TMC6: variants seen among roughly 807,000 people sequenced by gnomAD.
TMC6 encodes the protein transmembrane channel-like protein 6.
A neutral mutation model predicts 95.4 loss-of-function variants in TMC6; 71 were observed. The ratio of observed to expected loss-of-function variants is 0.74; its 90% CI spans 0.61 to 0.91. The LOEUF (loss-of-function observed/expected upper bound fraction) is 0.91. TMC6 is among the 40% of genes least tolerant of loss of function. TMC6 has a pLI of 0.00. For synonymous variants in TMC6, 514 were observed against 483.1 expected (o/e 1.06, Z -0.84); for missense variants, 1,074 against 1,079.1 (o/e 1.00, Z 0.07).
chr17:78,123,646 T>TGGG (rs2074538512), intron 9 of TMC6, among the ~76,000 whole-genome samples: 1 of 129,246 alleles, frequency 7.7e-6, no homozygotes, highest in Non-Finnish European at 1.6e-5. Context: ...GGTGAACTGA[T>TGGG]TGGGTGAATG....
intron 13 of TMC6, chr17:78,119,659 G>T: frequency 1.9e-6 from 1 of 514,234 alleles, no homozygotes; most frequent in South Asian, 2.0e-5. Context: ...TTTTGAAACA[G>T]GGTCTGGCTC....
In TMC6 at chr17:78,119,927, C is replaced by T. The variant is rs113100140; in HGVS notation, c.1716-535G>A. On this transcript the variant is annotated intron_variant, in intron 13 of 19. Transcript: ENST00000590602. Reference sequence around the variant, plus strand: ...CCTCCCAAAGTGCTGGGATTACAGGCGTGAGCCACCACACCGGGCCTCCTA... The same window carrying T: ...CCTCCCAAAGTGCTGGGATTACAGGTGTGAGCCACCACACCGGGCCTCCTA... The T allele has an allele frequency of 3.8e-3, 1,299 of 338,790 alleles. 16 individuals are homozygous for T. The highest frequency in any genetic ancestry group is 0.026 in the African/African-American group (1,188 of 45,228). The allele number at this position is 338,790 out of a possible 1,614,324, so 21.0% of individuals were successfully genotyped here.
At chr17:78,131,901 G>C (rs1195275056), upstream of TMC6, 29 of 1,475,222 alleles carry the variant, frequency 2.0e-5, no homozygotes, top group Non-Finnish European at 2.5e-5. Flanking sequence ...GGAGCCCGCG[G>C]GGGTGCAGAC....
At chr17:78,115,697 A>C (rs2074060045) in intron 18 of TMC6, among the ~76,000 whole-genome samples, 1 of 47,668 alleles carries the variant, frequency 2.1e-5, no homozygotes, top group African/African-American at 1.1e-4. Context: ...GGGAGTGGGC[A>C]CAGGGGCGAA....
rs138755511 is a variant in TMC6, at chr17:78,109,366, G to A, written c.*3782C>T. Reference sequence around the variant, plus strand: ...CTACGGATGGACCAAGAAAACCTACGCAGGATCCACGTGGAAACAAAGCTG... The same window carrying A: ...CTACGGATGGACCAAGAAAACCTACACAGGATCCACGTGGAAACAAAGCTG... On this transcript the variant is annotated 3_prime_UTR_variant, in exon 20 of 20. Transcript: ENST00000590602. 2.3e-5 allele frequency: 10 copies of A among 442,118 alleles called. No individual in the cohort carries two copies. Among genetic ancestry groups the A allele is most frequent in the Non-Finnish European group, 2.7e-5 (6 of 219,160 alleles). The allele number at this position is 442,118 out of a possible 1,614,324, so 27.4% of individuals were successfully genotyped here. A position where few individuals can be genotyped will look rare whatever the true frequency, so the allele number is the denominator to read the frequency against.
chr17:78,123,430 G>A (rs2074514149), intron 9 of TMC6, among the ~76,000 whole-genome samples: 1 of 151,888 alleles, frequency 6.6e-6, no homozygotes, highest in African/African-American at 2.4e-5. Flanking sequence ...TAGATAAGGA[G>A]GTGGATGGAT....
upstream of TMC6, chr17:78,132,190 C>T (rs2075017022): frequency 7.2e-7 from 1 of 1,395,940 alleles, no homozygotes; most frequent in Non-Finnish European, 9.8e-7. Context: ...GCACCGCAAA[C>T]CTCGGGCCCA....
Position 78,109,238 on chromosome 17 carries a change from C to G in TMC6, c.*3910G>C. 1 of 346,602 alleles carries G rather than the reference C, an allele frequency of 2.9e-6. No individual in the cohort carries two copies. The highest frequency in any genetic ancestry group is 2.2e-5 in the South Asian group (1 of 46,006). 21.5% of individuals were successfully genotyped at this position (346,602 alleles called of 1,614,324 possible). ...GCTGTTCCAATGGGGGAGAAGCCAG[C>G]AGACACAGAGGCATCATGGCGAGCC... On this transcript the variant is annotated 3_prime_UTR_variant, in exon 20 of 20. Coordinates refer to ENST00000590602, the MANE Select transcript of TMC6 (RefSeq NM_001127198.5).
In TMC6 at chr17:78,112,748, G is replaced by C. The variant is rs551075146; in HGVS notation, c.*400C>G. 5 of 286,372 alleles carry C rather than the reference G, an allele frequency of 1.7e-5. No individual in the cohort carries two copies. The highest frequency in any genetic ancestry group is 4.9e-5 in the Admixed American group (1 of 20,518). The allele number at this position is 286,372 out of a possible 1,614,324, so 17.7% of individuals were successfully genotyped here. Reference sequence around the variant, plus strand: ...TTCAGGCTGGTCAAAGGCAGCAAGCGAATCAAGCCCTGGCGCGGTCCAGCC... The same window carrying C: ...TTCAGGCTGGTCAAAGGCAGCAAGCCAATCAAGCCCTGGCGCGGTCCAGCC... On this transcript the variant is annotated 3_prime_UTR_variant, in exon 20 of 20. Transcript: ENST00000590602.
chr17:78,115,337 G>A (rs141758876), intron 18 of TMC6, among the ~76,000 whole-genome samples: 1 of 152,316 alleles, frequency 6.6e-6, no homozygotes, highest in Non-Finnish European at 1.5e-5. Flanking sequence ...CCCTAGCCCT[G>A]GTGTGGAGCA....
chr17:78,117,344 G>C lies in TMC6; in HGVS notation c.2202C>G (p.Ala734=), dbSNP rs146402222. 9.3e-6 allele frequency: 15 copies of C among 1,613,356 alleles called. No homozygotes were observed. The highest frequency in any genetic ancestry group is 1.1e-5 in the Non-Finnish European group (13 of 1,179,976). ...FVFLVSALLL[A]VIYLNIQVVR... ...CCACCTGGATGTTGAGGTAGATCAC[G>C]GCCCTGCGGGAGAGGGGCTGTCGGG... is the stretch of plus-strand genomic sequence containing the variant. Residue 734 remains alanine (A), a synonymous_variant, in exon 18 of 20, where the codon GCC becomes GCG. Transcript: ENST00000590602.
chr17:78,112,325 CCT>C lies in TMC6; in HGVS notation c.*821_*822del, dbSNP rs1287688343. 9.5e-5 allele frequency: 20 copies of C among 210,154 alleles called. 1 individual carries two copies. The highest frequency in any genetic ancestry group is 7.7e-4 in the South Asian group (15 of 19,590). The allele number at this position is 210,154 out of a possible 1,614,324, so 13.0% of individuals were successfully genotyped here. On this transcript the variant is annotated 3_prime_UTR_variant, in exon 20 of 20. Transcript: ENST00000590602. ...GCTGTCATGGGCTGGTCCCTGCAGA[CCT>C]GGAGCACGGGGTCATGACGGGCTGG...
chr17:78,123,750 G>A (rs2074546609), intron 9 of TMC6, among the ~76,000 whole-genome samples: 1 of 144,358 alleles, frequency 6.9e-6, no homozygotes, highest in African/African-American at 2.6e-5. Context: ...ATGGGTAAAT[G>A]GGTGGGTGAA....
rs1180513635 is a variant in TMC6, at chr17:78,112,221, C to G, written c.*927G>C. The G allele has an allele frequency of 1.2e-5, 3 of 241,476 alleles. No individual in the cohort carries two copies. Among genetic ancestry groups the G allele is most frequent in the African/African-American group, 7.5e-5 (3 of 39,804 alleles). The allele number at this position is 241,476 out of a possible 1,614,324, so 15.0% of individuals were successfully genotyped here. A position where few individuals can be genotyped will look rare whatever the true frequency, so the allele number is the denominator to read the frequency against. The stretch of plus-strand genomic sequence containing the variant: ...GGCTGGTCCCCGCAGGCCTGGAGAA[C>G]TGAGGCTGACGGGCTGGTCCCCGCA... On this transcript the variant is annotated 3_prime_UTR_variant, in exon 20 of 20. Coordinates refer to ENST00000590602, the MANE Select transcript of TMC6 (RefSeq NM_001127198.5).
Position 78,116,950 on chromosome 17 carries a change from T to C in TMC6, c.2277+319A>G, listed in dbSNP as rs138102933. ...GTTTGTAAAATGAGTGAAGAGTCCA[T>C]AGGGACCCAAAAATCCTCACAGAGA... is the stretch of plus-strand genomic sequence containing the variant. On this transcript the variant is annotated intron_variant, in intron 18 of 19. Coordinates refer to ENST00000590602, the MANE Select transcript of TMC6 (RefSeq NM_001127198.5). Among the ~76,000 whole-genome samples, 23 of 152,194 alleles carry C rather than the reference T, an allele frequency of 1.5e-4. No homozygotes were observed. In the East Asian group the frequency reaches 4.5e-3, roughly 29 times the overall value.
chr17:78,131,432 C>T (rs2074961377), upstream of TMC6: 2 of 1,050,792 alleles, frequency 1.9e-6, no homozygotes, highest in Non-Finnish European at 2.8e-6. Context: ...GCTGCAGGAG[C>T]CCAGGCCCCG....
intron 5 of TMC6, among the ~76,000 whole-genome samples, 189 bp downstream of exon 5, chr17:78,125,537 A>G (rs2074663636): frequency 6.6e-6 from 1 of 152,194 alleles, no homozygotes; most frequent in South Asian, 2.1e-4. Flanking sequence ...CTTGTGAGGT[A>G]AGACCCCCAC....
rs910012648 is a variant in TMC6, at chr17:78,107,460, C to G, written c.*5688G>C. 6.6e-6 allele frequency: 1 copy of G among 152,080 alleles called. No homozygotes were observed. Among genetic ancestry groups the G allele is most frequent in the Non-Finnish European group, 1.5e-5 (1 of 68,016 alleles). 9.4% of individuals were successfully genotyped at this position (152,080 alleles called of 1,614,324 possible). On this transcript the variant is annotated 3_prime_UTR_variant, in exon 20 of 20. Coordinates refer to ENST00000590602, the MANE Select transcript of TMC6 (RefSeq NM_001127198.5). ...AATTGCAATTTTTTTCTTGGCTGTTCAAAGTAATGTGTTTTTCATTTTTCA... is the reference window on the plus strand; with the variant it reads ...AATTGCAATTTTTTTCTTGGCTGTTGAAAGTAATGTGTTTTTCATTTTTCA...
At chr17:78,118,557 AAAAAT>A (rs112527893) in intron 15 of TMC6, among the ~76,000 whole-genome samples, 1 of 150,020 alleles carries the variant, frequency 6.7e-6, no homozygotes, top group Non-Finnish European at 1.5e-5. Flanking sequence ...CTCTGTCTCA[AAAAAT>A]AAAATAAAAT....
Sources: gnomAD v4.1 joint callset for allele counts (sites outside exome capture counted in the v4.1 genomes callset) on GRCh38, gnomAD v4.1.1 for gene constraint, MANE v1.5 for transcripts, NCBI Gene and HGNC (gene_info 2026-07-23, HGNC 2026-07-21) for gene names.